ATXN7L1: variants seen among roughly 807,000 people sequenced by gnomAD.
ATXN7L1 encodes ataxin-7-like protein 1.
ATXN7L1 carries 15 observed loss-of-function variants against 70.8 expected under a neutral mutation model. The ratio of observed to expected loss-of-function variants is 0.21; its 90% CI spans 0.14 to 0.33. The LOEUF (loss-of-function observed/expected upper bound fraction) is 0.33, where lower values mean the gene tolerates loss of function less well. Ranked by LOEUF, ATXN7L1 falls within the 10% of genes least tolerant of loss-of-function variation. The pLI is 1.00. For synonymous variants in ATXN7L1, 440 were observed against 445.1 expected (o/e 0.99, Z 0.14); for missense variants, 975 against 1,097.1 (o/e 0.89, Z 1.57).
intron 3 of ATXN7L1, among the ~76,000 whole-genome samples, chr7:105,766,787 C>T (rs1801315767): frequency 6.6e-6 from 1 of 152,164 alleles, no homozygotes; most frequent in South Asian, 2.1e-4. Context: ...TGACAAATTG[C>T]TTCTGGTTTT....
At chr7:105,670,966 C>T (rs1338506710) in intron 3 of ATXN7L1, among the ~76,000 whole-genome samples, 2 of 151,902 alleles carry the variant, frequency 1.3e-5, no homozygotes, top group African/African-American at 2.4e-5. Flanking sequence ...ATTAGCCCGG[C>T]GAGGTGGCGG....
rs188225044 is a variant in ATXN7L1 at position 105,839,665 on chromosome 7, C to A, written c.250+36147G>T. On this transcript the variant is annotated intron_variant, in intron 2 of 11. Coordinates refer to ENST00000419735, the MANE Select transcript of ATXN7L1 (RefSeq NM_020725.2). ...CCCACAAGGGATGACAGCCTTAGGT[C>A]CAGCCTCATATGCAGGGCAGAGAGG... Among the ~76,000 whole-genome samples the A allele has an allele frequency of 3.9e-5, 6 of 152,252 alleles. No individual in the cohort carries two copies. The East Asian group carries it at 7.7e-4, about 20-fold the overall frequency.
chr7:105,793,939 C>G (rs1017214168), intron 2 of ATXN7L1, among the ~76,000 whole-genome samples: 57 of 152,100 alleles, frequency 3.7e-4, no homozygotes, highest in Admixed American at 6.5e-4. Flanking sequence ...ATGTAGTCAT[C>G]CATCCATCTA....
At chr7:105,774,628 C>T (rs1021253786) in intron 3 of ATXN7L1, among the ~76,000 whole-genome samples, 4 of 152,112 alleles carry the variant, frequency 2.6e-5, no homozygotes, top group Non-Finnish European at 5.9e-5. Flanking sequence ...GCTAAGATTA[C>T]AGTGTGAACC....
At chr7:105,713,651 G>A (rs1370161628) in intron 3 of ATXN7L1, among the ~76,000 whole-genome samples, 2 of 152,280 alleles carry the variant, frequency 1.3e-5, no homozygotes, top group Admixed American at 6.5e-5. Context: ...GGCCCAAAGG[G>A]GAAAGGTTAG....
At chr7:105,754,082 A>G (rs1351958886) in intron 3 of ATXN7L1, among the ~76,000 whole-genome samples, 2 of 152,046 alleles carry the variant, frequency 1.3e-5, no homozygotes, top group Non-Finnish European at 2.9e-5. Flanking sequence ...CTGTGGGAAA[A>G]TACTTCTATG....
chr7:105,756,225 C>G (rs1799783352), intron 3 of ATXN7L1, among the ~76,000 whole-genome samples: 1 of 152,084 alleles, frequency 6.6e-6, no homozygotes, highest in East Asian at 1.9e-4. Flanking sequence ...TCCAAATGCA[C>G]TCATTTTCAT....
chr7:105,659,255 A>G (rs1801199297), intron 4 of ATXN7L1, among the ~76,000 whole-genome samples: 1 of 152,256 alleles, frequency 6.6e-6, no homozygotes, highest in South Asian at 2.1e-4. Flanking sequence ...TAGTCTAAAC[A>G]ATTCTAGACA....
At chr7:105,825,246 G>A (rs985034169) in intron 2 of ATXN7L1, among the ~76,000 whole-genome samples, 3 of 152,160 alleles carry the variant, frequency 2.0e-5, no homozygotes. Flanking sequence ...GGATGCCCCT[G>A]GAAGATTAGT....
At chr7:105,650,925 T>C (rs1008792429) in intron 4 of ATXN7L1, among the ~76,000 whole-genome samples, 6 of 152,236 alleles carry the variant, frequency 3.9e-5, no homozygotes, top group African/African-American at 2.4e-5. Flanking sequence ...ATTTATAGAA[T>C]GTGGAGTGTT....
At chr7:105,661,290 GGATGTTCTA>G (rs1801565791) in intron 4 of ATXN7L1, among the ~76,000 whole-genome samples, 1 of 152,172 alleles carries the variant, frequency 6.6e-6, no homozygotes, top group African/African-American at 2.4e-5. Flanking sequence ...AAAGATGGAC[GGATGTTCTA>G]GGCAAAGGTA....
chr7:105,751,402 C>A, intron 3 of ATXN7L1, among the ~76,000 whole-genome samples: 1 of 152,070 alleles, frequency 6.6e-6, no homozygotes, highest in Non-Finnish European at 1.5e-5. Flanking sequence ...TCATGCCTGA[C>A]GGGTGAATCA....
chr7:105,744,236 CT>C (rs1462409889), intron 3 of ATXN7L1, among the ~76,000 whole-genome samples: 1 of 152,180 alleles, frequency 6.6e-6, no homozygotes, highest in Non-Finnish European at 1.5e-5. Context: ...ACAAAAATGG[CT>C]ACCACATGCT....
chr7:105,631,103 C>T (rs1007049694), intron 7 of ATXN7L1, among the ~76,000 whole-genome samples: 5 of 152,158 alleles, frequency 3.3e-5, no homozygotes, highest in Non-Finnish European at 7.3e-5. Flanking sequence ...GCTCCTCCAC[C>T]TCTGGACCTC....
chr7:105,779,224 T>G (rs1803190975), intron 3 of ATXN7L1, among the ~76,000 whole-genome samples: 1 of 152,288 alleles, frequency 6.6e-6, no homozygotes, highest in South Asian at 2.1e-4. Context: ...TTTCCTTGAG[T>G]GTGAGATAAA....
intron 2 of ATXN7L1, among the ~76,000 whole-genome samples, chr7:105,834,287 C>T (rs757149380): frequency 1.3e-5 from 2 of 152,214 alleles, no homozygotes; most frequent in African/African-American, 2.4e-5. Context: ...GGTGATCCAC[C>T]TGCCTTGGCC....
intron 2 of ATXN7L1, among the ~76,000 whole-genome samples, chr7:105,858,872 T>C (rs954292973): frequency 6.6e-6 from 1 of 151,834 alleles, no homozygotes; most frequent in Admixed American, 6.6e-5. Flanking sequence ...ATGTTTTATA[T>C]ATTTATATAT....
At chr7:105,862,104 T>C (rs941740815) in intron 2 of ATXN7L1, among the ~76,000 whole-genome samples, 1 of 152,180 alleles carries the variant, frequency 6.6e-6, no homozygotes, top group Non-Finnish European at 1.5e-5. Context: ...AGGGCTGTTG[T>C]ACATGGGTTG....
chr7:105,684,831 GGT>G (rs1316958722), intron 3 of ATXN7L1, among the ~76,000 whole-genome samples: 1 of 152,180 alleles, frequency 6.6e-6, no homozygotes. Flanking sequence ...CTTGAGATAT[GGT>G]TGTACCGAAC....
Sources: gnomAD v4.1 joint callset for allele counts (sites outside exome capture counted in the v4.1 genomes callset) on GRCh38, gnomAD v4.1.1 for gene constraint, MANE v1.5 for transcripts, NCBI Gene and HGNC (gene_info 2026-07-23, HGNC 2026-07-21) for gene names.